Variants in SNCG observed in about 807,000 individuals in gnomAD.
The protein encoded by SNCG is synuclein gamma.
SNCG carries 13 observed loss-of-function variants against 16.0 expected under a neutral mutation model. The observed-to-expected ratio is 0.81, with a 90% confidence interval of 0.53 to 1.29. The LOEUF is 1.29. Among genes scored for constraint, SNCG ranks in the 50% most tolerant of loss-of-function variants. SNCG has a pLI of 0.00. For synonymous variants in SNCG, 66 were observed against 66.3 expected, an observed-to-expected ratio of 1.00 and a Z score of 0.02; for missense variants, 154 against 168.5, an observed-to-expected ratio of 0.91 and a Z score of 0.48.
upstream of SNCG, among the ~76,000 whole-genome samples, chr10:86,956,434 GC>G (rs546222540): frequency 7.9e-5 from 12 of 151,674 alleles, no homozygotes; most frequent in African/African-American, 1.5e-4. Context: ...GTGTAAGTTG[GC>G]CCCCCCCTCA....
Position 86,960,461 on chromosome 10 carries a change from G to C in SNCG, c.291+333G>C, listed in dbSNP as rs1039812969. Among the ~76,000 whole-genome samples the C allele has an allele frequency of 2.0e-4, 30 of 152,164 alleles. 1 individual carries two copies. Among genetic ancestry groups the C allele is most frequent in the Non-Finnish European group, 3.2e-4 (22 of 68,014 alleles). ...ATAAGTGAAAACAGGATCCCACACG[G>C]TGACAGGCAGCCTCCCGGGCAGTGG... On this transcript the variant is annotated intron_variant, in intron 3 of 4. Transcript: ENST00000372017.
intron 4 of SNCG, 124 bp downstream of exon 4, chr10:86,962,799 C>A: frequency 8.9e-7 from 1 of 1,122,104 alleles, no homozygotes; most frequent in Non-Finnish European, 1.3e-6. Context: ...CTTCCACAGC[C>A]CCTACAGGGA....
In SNCG at chr10:86,963,106, C is replaced by G. The variant is rs1844385421; in HGVS notation, c.*121C>G. ...CGGCTGCCCACGCTCCTGCCCTCGT[C>G]TCCCTGGCCACCCTTGGCCTGTCCA... is the stretch of plus-strand genomic sequence containing the variant. On this transcript the variant is annotated 3_prime_UTR_variant, in exon 5 of 5. Coordinates refer to ENST00000372017, the MANE Select transcript of SNCG (RefSeq NM_003087.3). 2.9e-6 allele frequency: 3 copies of G among 1,036,052 alleles called. No individual in the cohort carries two copies. In the East Asian group the frequency reaches 8.0e-5, roughly 28 times the overall value. 64.2% of individuals were successfully genotyped at this position (1,036,052 alleles called of 1,614,324 possible). A position where few individuals can be genotyped will look rare whatever the true frequency, so the allele number is the denominator to read the frequency against.
chr10:86,960,187 C>T (rs573978168), intron 3 of SNCG, 59 bp downstream of exon 3: 68 of 1,529,284 alleles, frequency 4.4e-5, no homozygotes, highest in Middle Eastern at 1.8e-4. Context: ...GGCTGCTGGG[C>T]GGAGGCGGCA....
chr10:86,961,240 G>A (rs7090120), intron 3 of SNCG, among the ~76,000 whole-genome samples: 51,751 of 151,998 alleles, frequency 0.34, 9,336 homozygotes, highest in African/African-American at 0.43. Context: ...TGTCCTTGGA[G>A]CTGGCAGCCG....
In SNCG at chr10:86,963,224, T is replaced by A. The variant is rs1000985153; in HGVS notation, c.*239T>A. On this transcript the variant is annotated 3_prime_UTR_variant, in exon 5 of 5. Transcript: ENST00000372017. ...ACTTATGCTGCTGTGAATTTTTTTT[T>A]TAAATGATTCCAAATAAAACTTGAG... 31 of 433,270 alleles carry A rather than the reference T, an allele frequency of 7.2e-5. 1 individual carries two copies. The Admixed American group carries it at 1.2e-3, about 17-fold the overall frequency. 26.8% of individuals were successfully genotyped at this position (433,270 alleles called of 1,614,324 possible).
chr10:86,960,553 GCGGGGC>G (rs1236068741), intron 3 of SNCG, among the ~76,000 whole-genome samples: 4 of 152,198 alleles, frequency 2.6e-5, no homozygotes, highest in African/African-American at 9.7e-5. Context: ...CCTGGGCTGG[GCGGGGC>G]AGCTGCCTCC....
upstream of SNCG, among the ~76,000 whole-genome samples, chr10:86,956,967 G>A (rs559930447): frequency 8.5e-5 from 13 of 152,332 alleles, no homozygotes; most frequent in South Asian, 2.1e-4. Context: ...TCAGAGTCAG[G>A]TCCCCAGGGA....
Position 86,962,640 on chromosome 10 carries a change from G to A in SNCG, c.328G>A (p.Glu110Lys), listed in dbSNP as rs149759332. 427 of 1,613,020 alleles carry A rather than the reference G, an allele frequency of 2.6e-4. 1 individual carries two copies. The African/African-American group carries it at 4.8e-3, about 18-fold the overall frequency. Residue 110 changes from glutamate (E) to lysine (K), a missense_variant, in exon 4 of 5, where the codon GAG (glutamate) becomes AAG (lysine). Physicochemically the swap from Glu to Lys is moderately conservative, Grantham distance 56 (BLOSUM62 1). Coordinates refer to ENST00000372017, the MANE Select transcript of SNCG (RefSeq NM_003087.3). ...GCCATCTGCCCCCCAACAGGAGGGT[G>A]AGGCATCCAAAGAGAAAGAGGAAGT... ...LRPSAPQQEG[E>K]ASKEKEEVAE... is the part of the protein sequence containing the mutation.
At position 86,961,755 on chromosome 10, in the gene SNCG, GC is replaced by G. The variant is rs147478613; in HGVS notation, c.292-845del. ...GACTCAGCAGGTGGCCACCTGCCCT[GC>G]CCCTGGATAGCCTGGCCGACTCCCG... On this transcript the variant is annotated intron_variant, in intron 3 of 4. Coordinates refer to ENST00000372017, the MANE Select transcript of SNCG (RefSeq NM_003087.3). 8.0e-3 allele frequency among the ~76,000 whole-genome samples: 1,224 copies of G among 152,264 alleles called. 17 individuals are homozygous for G. Among genetic ancestry groups the G allele is most frequent in the African/African-American group, 0.028 (1,178 of 41,562 alleles).
At chr10:86,956,433 G>A (rs1844231334), upstream of SNCG, among the ~76,000 whole-genome samples, 1 of 152,124 alleles carries the variant, frequency 6.6e-6, no homozygotes, top group African/African-American at 2.4e-5. Flanking sequence ...AGTGTAAGTT[G>A]GCCCCCCCCT....
chr10:86,960,859 A>T (rs1318799808), intron 3 of SNCG, among the ~76,000 whole-genome samples: 1 of 152,242 alleles, frequency 6.6e-6, no homozygotes, highest in African/African-American at 2.4e-5. Context: ...TTGTACGCTT[A>T]TTAGTTCATT....
chr10:86,958,247 C>A, upstream of SNCG: 1 of 967,864 alleles, frequency 1.0e-6, no homozygotes, highest in Non-Finnish European at 1.2e-6. Flanking sequence ...ATGGCCAAGG[C>A]GCCTCCCCTC....
At chr10:86,956,986 C>T (rs1844244948), upstream of SNCG, among the ~76,000 whole-genome samples, 1 of 152,230 alleles carries the variant, frequency 6.6e-6, no homozygotes, top group Admixed American at 6.5e-5. Context: ...GAACTCAGAT[C>T]AAAATCTCAG....
Position 86,959,798 on chromosome 10 carries a change from C to G in SNCG, c.163+124C>G, listed in dbSNP as rs1844308767. On this transcript the variant is annotated intron_variant, in intron 2 of 4. Transcript: ENST00000372017. The surrounding 1 kb of genome is among the most constrained non-coding windows in gnomAD (Gnocchi z 4.3). ...CAACTGGGGTCCCAAGCCCTACAGACCCCTGCAGACCATGAGGCTAAACTA... is the reference window on the plus strand; with the variant it reads ...CAACTGGGGTCCCAAGCCCTACAGAGCCCTGCAGACCATGAGGCTAAACTA... 1 of 1,239,724 alleles carries G rather than the reference C, an allele frequency of 8.1e-7. No individual in the cohort carries two copies. Among genetic ancestry groups the G allele is most frequent in the Middle Eastern group, 2.0e-4 (1 of 4,942 alleles). The allele number at this position is 1,239,724 out of a possible 1,614,324, so 76.8% of individuals were successfully genotyped here.
chr10:86,957,466 T>A, upstream of SNCG: 1 of 1,613,506 alleles, frequency 6.2e-7, no homozygotes, highest in Non-Finnish European at 8.5e-7. Context: ...AGGCTAGTAC[T>A]GGAAGCCTGG....
At chr10:86,957,540 A>G, upstream of SNCG, 3 of 1,605,938 alleles carry the variant, frequency 1.9e-6, no homozygotes, top group Non-Finnish European at 2.5e-6. Context: ...GCTCAGGATC[A>G]TCTTGGTGGT....
upstream of SNCG, among the ~76,000 whole-genome samples, chr10:86,956,021 G>A (rs934880149): frequency 2.0e-5 from 3 of 152,058 alleles, no homozygotes; most frequent in Admixed American, 1.3e-4. Flanking sequence ...CCTCCCTCCC[G>A]TCCACCGGGT....
chr10:86,958,625 C>T lies in SNCG; in HGVS notation c.-73C>T, dbSNP rs1844279054. The T allele has an allele frequency of 2.5e-6, 4 of 1,603,294 alleles. No homozygotes were observed. The African/African-American group carries it at 5.4e-5, about 21-fold the overall frequency. ...ACAGCCGCTGCGGCAGCACTCGAGC[C>T]AGCTCAAGCCCGCAGCTCGCAGGGA... On this transcript the variant is annotated 5_prime_UTR_variant, in exon 1 of 5. Coordinates refer to ENST00000372017, the MANE Select transcript of SNCG (RefSeq NM_003087.3).
Sources: allele counts gnomAD v4.1 joint callset (sites outside exome capture counted in the v4.1 genomes callset), GRCh38; gene constraint gnomAD v4.1.1; non-coding constraint Gnocchi (gnomAD v3.1); transcripts MANE v1.5; gene names NCBI Gene and HGNC (gene_info 2026-07-23, HGNC 2026-07-21).